The following CLGN variants were observed in gnomAD, a reference collection of about 807,000 sequenced individuals.
The protein encoded by CLGN is testis tissue sperm-binding protein Li 79P.
In CLGN, 62 loss-of-function variants were observed where a neutral mutation model predicts 79.1. The ratio of observed to expected loss-of-function variants is 0.78; its 90% CI spans 0.64 to 0.97. The LOEUF (loss-of-function observed/expected upper bound fraction) is 0.97, where lower values mean the gene tolerates loss of function less well. Ranked by LOEUF, CLGN falls within the 50% of genes least tolerant of loss-of-function variation. The pLI, the probability that CLGN is intolerant of heterozygous loss-of-function variation, is 0.00. For synonymous variants in CLGN, 225 were observed against 224.7 expected (o/e 1.00, Z -0.01); for missense variants, 647 against 715.5 (o/e 0.90, Z 1.09).
intron 1 of CLGN, among the ~76,000 whole-genome samples, chr4:140,424,215 C>T (rs1410151609): frequency 6.6e-6 from 1 of 152,068 alleles, no homozygotes; most frequent in Admixed American, 6.6e-5. Context: ...CTTTTGTTCT[C>T]CTTTTCATTT....
intron 5 of CLGN, 23 bp from the exon 6 acceptor site, chr4:140,402,089 GTAC>G: frequency 2.5e-6 from 3 of 1,204,832 alleles, no homozygotes; most frequent in African/African-American, 1.6e-5. Flanking sequence ...AAAAAGAACC[GTAC>G]TACTGATAAA....
At chr4:140,390,554 C>T in intron 14 of CLGN, 74 bp downstream of exon 14, 3 of 936,354 alleles carry the variant, frequency 3.2e-6, no homozygotes, top group African/African-American at 1.7e-5. Context: ...TTTCATAAAT[C>T]ATATTGGTGC....
chr4:140,395,392 C>T (rs1215394736), intron 10 of CLGN, among the ~76,000 whole-genome samples: 7 of 152,050 alleles, frequency 4.6e-5, no homozygotes, highest in African/African-American at 7.2e-5. Flanking sequence ...GTGATCCGCC[C>T]GCCTTGGACT....
chr4:140,421,310 T>C (rs762307969), intron 1 of CLGN, among the ~76,000 whole-genome samples: 1 of 152,126 alleles, frequency 6.6e-6, no homozygotes, highest in Non-Finnish European at 1.5e-5. Flanking sequence ...TTCTTTTGAG[T>C]ATATACCCAT....
Position 140,393,834 on chromosome 4 carries a change from C to A in CLGN, c.1357G>T (p.Ala453Ser). The change falls in exon 11 of 15, where the codon GCT (alanine) becomes TCT (serine). Residue 453 changes from alanine (A) to serine (S), a missense_variant. Physicochemically the swap from Ala to Ser is moderately conservative, Grantham distance 99. Coordinates refer to ENST00000325617, the MANE Select transcript of CLGN (RefSeq NM_004362.3). ...GWRWKIMIAN[A>S]NKPGVLKQLM... ...ATTGGTCAACACCATACCTTATTAG[C>A]ATTTGCTATCATTATTTTCCATCTC... 1.2e-6 allele frequency: 2 copies of A among 1,613,354 alleles called. No individual in the cohort carries two copies. Among genetic ancestry groups the A allele is most frequent in the Non-Finnish European group, 1.7e-6 (2 of 1,179,524 alleles).
chr4:140,397,951 T>C (rs1332032810), intron 8 of CLGN, among the ~76,000 whole-genome samples: 4 of 152,086 alleles, frequency 2.6e-5, no homozygotes, highest in Non-Finnish European at 2.9e-5. Flanking sequence ...TTCTGAAGTA[T>C]ATAAACATAA....
At chr4:140,425,880 C>T (rs1311796964) in intron 1 of CLGN, among the ~76,000 whole-genome samples, 1 of 152,078 alleles carries the variant, frequency 6.6e-6, no homozygotes, top group Non-Finnish European at 1.5e-5. Context: ...CCGCCCGCCT[C>T]GGCCTCCCAA....
rs1209004612 is a variant in CLGN at position 140,389,015 on chromosome 4, G to A, written c.*209C>T. On this transcript the variant is annotated 3_prime_UTR_variant, in exon 15 of 15. Coordinates refer to ENST00000325617, the MANE Select transcript of CLGN (RefSeq NM_004362.3). Reference sequence around the variant, plus strand: ...ATCTCTTAGATCCGATATGTAATGTGCCACTTTTATTCTAAATTCAAAGAT... The same window carrying A: ...ATCTCTTAGATCCGATATGTAATGTACCACTTTTATTCTAAATTCAAAGAT... The A allele has an allele frequency of 1.9e-6, 1 of 540,124 alleles. No individual in the cohort carries two copies. Among genetic ancestry groups the A allele is most frequent in the Non-Finnish European group, 3.3e-6 (1 of 303,108 alleles). The allele number at this position is 540,124 out of a possible 1,614,324, so 33.5% of individuals were successfully genotyped here. A position where few individuals can be genotyped will look rare whatever the true frequency, so the allele number is the denominator to read the frequency against.
At chr4:140,398,707 T>C (rs1728940528) in intron 8 of CLGN, 144 bp downstream of exon 8, 1 of 617,642 alleles carries the variant, frequency 1.6e-6, no homozygotes, top group Non-Finnish European at 2.7e-6. Flanking sequence ...AAATCCATTT[T>C]AGAAAATATT....
At chr4:140,427,407 C>T (rs1729591235) in intron 1 of CLGN, 130 bp downstream of exon 1, 1 of 152,586 alleles carries the variant, frequency 6.6e-6, no homozygotes, top group Admixed American at 6.5e-5. Flanking sequence ...CACTTGGCCC[C>T]GACCGGTTCA....
At chr4:140,398,652 T>G (rs1490432134) in intron 8 of CLGN, among the ~76,000 whole-genome samples, 199 bp downstream of exon 8, 2 of 151,836 alleles carry the variant, frequency 1.3e-5, no homozygotes, top group African/African-American at 4.8e-5. Flanking sequence ...AAATGCAACA[T>G]AATTATCAAT....
intron 1 of CLGN, among the ~76,000 whole-genome samples, chr4:140,420,083 T>C (rs1314525251): frequency 6.6e-6 from 1 of 152,142 alleles, no homozygotes; most frequent in Non-Finnish European, 1.5e-5. Flanking sequence ...ATATCCTCTC[T>C]TTCAAATGAA....
chr4:140,395,774 C>T (rs1188114078), intron 10 of CLGN, 45 bp downstream of exon 10: 2 of 1,339,300 alleles, frequency 1.5e-6, no homozygotes, highest in African/African-American at 1.5e-5. Context: ...GAAAAGATCA[C>T]AACATTTTTA....
intron 1 of CLGN, among the ~76,000 whole-genome samples, chr4:140,417,738 G>A (rs1163874230): frequency 6.6e-6 from 1 of 151,512 alleles, no homozygotes; most frequent in Non-Finnish European, 1.5e-5. Context: ...CATGCTCATG[G>A]GTAGGAAGAA....
At chr4:140,418,217 G>T (rs1349634898) in intron 1 of CLGN, among the ~76,000 whole-genome samples, 1 of 151,996 alleles carries the variant, frequency 6.6e-6, no homozygotes, top group Admixed American at 6.6e-5. Context: ...TGGATTAAAG[G>T]CTTAAACGTT....
At chr4:140,392,181 C>T (rs1728784683) in intron 13 of CLGN, 38 bp downstream of exon 13, 3 of 1,602,926 alleles carry the variant, frequency 1.9e-6, no homozygotes, top group African/African-American at 1.3e-5. Context: ...ATGAGCTTTA[C>T]CCAGAGTCTC....
Position 140,392,239 on chromosome 4 carries a change from T to C in CLGN, c.1631A>G (p.Asp544Gly), listed in dbSNP as rs1475945062. The C allele has an allele frequency of 6.2e-7, 1 of 1,612,596 alleles. No homozygotes were observed. Reference sequence around the variant, plus strand: ...CTTACCTTTTTCAAGCATTTCACCATCATTTTGCTTTTTTTCCTCTTCCAG... The same window carrying C: ...CTTACCTTTTTCAAGCATTTCACCACCATTTTGCTTTTTTTCCTCTTCCAG... The part of the protein sequence containing the change: ...MDLEEEKKQN[D>G]GEMLEKEEES... The change falls in exon 13 of 15, where the codon GAT (aspartate) becomes GGT (glycine). Residue 544 changes from aspartate to glycine, a missense_variant. Physicochemically the swap from Asp to Gly is moderately conservative, Grantham distance 94. Transcript: ENST00000325617.
chr4:140,408,206 G>T (rs1729144764), intron 4 of CLGN, among the ~76,000 whole-genome samples: 1 of 152,010 alleles, frequency 6.6e-6, no homozygotes, highest in Non-Finnish European at 1.5e-5. Context: ...TTAAACCTAA[G>T]ATCTGAAACC....
chr4:140,406,629 A>C (rs1465456244), intron 4 of CLGN, among the ~76,000 whole-genome samples: 1 of 152,226 alleles, frequency 6.6e-6, no homozygotes, highest in South Asian at 2.1e-4. Context: ...ATCAGCTCTC[A>C]GAACTTTTGG....
Sources: gnomAD v4.1 joint callset for allele counts (sites outside exome capture counted in the v4.1 genomes callset) on GRCh38, gnomAD v4.1.1 for gene constraint, MANE v1.5 for transcripts, NCBI Gene and HGNC (gene_info 2026-07-23, HGNC 2026-07-21) for gene names.